Variants in PRIM1 observed in about 807,000 individuals in gnomAD.
PRIM1 encodes DNA primase subunit 1.
A neutral mutation model predicts 60.2 loss-of-function variants in PRIM1; 38 were observed. The observed-to-expected ratio is 0.63, with a 90% CI of 0.49 to 0.83. The LOEUF (loss-of-function observed/expected upper bound fraction) is 0.83. PRIM1 is among the 40% of genes least tolerant of loss of function. The pLI is 0.00. For synonymous variants in PRIM1, 158 were observed against 160.2 expected (o/e 0.99, Z 0.10); for missense variants, 388 against 506.2 (o/e 0.77, Z 2.24).
At chr12:56,732,762 T>C (rs1263366690) in intron 12 of PRIM1, among the ~76,000 whole-genome samples, 3 of 104,010 alleles carry the variant, frequency 2.9e-5, no homozygotes, top group East Asian at 6.6e-4. Context: ...ACCCTTGGCC[T>C]TTTTCCACCT....
intron 5 of PRIM1, among the ~76,000 whole-genome samples, chr12:56,745,825 G>C (rs1458380160): frequency 6.6e-6 from 1 of 151,860 alleles, no homozygotes; most frequent in East Asian, 1.9e-4. Context: ...TGTAGTCCCA[G>C]CTACTCGGGA....
chr12:56,747,909 G>A (rs1051445302), intron 2 of PRIM1, among the ~76,000 whole-genome samples: 3 of 152,150 alleles, frequency 2.0e-5, no homozygotes, highest in Non-Finnish European at 4.4e-5. Context: ...AAGGCTCAGG[G>A]ATAGGTGATA....
At position 56,746,865 on chromosome 12, in the gene PRIM1, G is replaced by A; in HGVS notation, c.369-11C>T. 6.2e-7 allele frequency: 1 copy of A among 1,613,718 alleles called. No individual in the cohort carries two copies. Among genetic ancestry groups the A allele is most frequent in the South Asian group, 1.1e-5 (1 of 91,048 alleles). On this transcript the variant is annotated splice_polypyrimidine_tract_variant and intron_variant, in intron 3 of 12. Transcript: ENST00000338193. ...CATATGTCTGCAGAACTAAAGCAGA[G>A]TCATCATTACTCATTGTCAGTGATA...
intron 5 of PRIM1, among the ~76,000 whole-genome samples, chr12:56,745,301 C>T (rs1251919745): frequency 6.6e-6 from 1 of 151,850 alleles, no homozygotes; most frequent in East Asian, 1.9e-4. Context: ...GTCCCAGCTA[C>T]TCAGGAGGCT....
intron 6 of PRIM1, 134 bp downstream of exon 6, chr12:56,743,931 T>C (rs1592334258): frequency 4.9e-6 from 3 of 615,058 alleles, no homozygotes; most frequent in African/African-American, 1.9e-5. Flanking sequence ...CAGCATAAAA[T>C]AGGCACTCAA....
intron 9 of PRIM1, 96 bp downstream of exon 9, chr12:56,741,339 A>G: frequency 1.6e-6 from 2 of 1,275,430 alleles, no homozygotes; most frequent in Non-Finnish European, 2.1e-6. Flanking sequence ...CCTTTAAATC[A>G]TAGACATTAT....
At chr12:56,752,085 G>T in intron 1 of PRIM1, 111 bp downstream of exon 1, 1 of 641,956 alleles carries the variant, frequency 1.6e-6, no homozygotes, top group Non-Finnish European at 2.5e-6. Flanking sequence ...AAATGAAGGC[G>T]CGCGGCACAA....
intron 11 of PRIM1, among the ~76,000 whole-genome samples, chr12:56,737,054 A>C (rs1463533221): frequency 6.6e-6 from 1 of 151,894 alleles, no homozygotes. Flanking sequence ...CTGGGATTAC[A>C]GGTGTGAGGT....
intron 10 of PRIM1, 38 bp from the exon 11 acceptor site, chr12:56,738,563 T>C: frequency 1.3e-6 from 2 of 1,547,524 alleles, no homozygotes; most frequent in Non-Finnish European, 1.7e-6. Flanking sequence ...GTTTTTGTTT[T>C]TGTTTTTGAG....
chr12:56,751,836 T>C (rs942553427), intron 1 of PRIM1: 1 of 164,892 alleles, frequency 6.1e-6, no homozygotes, highest in African/African-American at 2.4e-5. Flanking sequence ...TGAGAGAGGC[T>C]CTTCCGCTCC....
chr12:56,735,984 T>A (rs1953825311), intron 11 of PRIM1, among the ~76,000 whole-genome samples: 1 of 151,774 alleles, frequency 6.6e-6, no homozygotes, highest in South Asian at 2.1e-4. Flanking sequence ...TAAAATAGTT[T>A]AAAAAATGTA....
At position 56,734,234 on chromosome 12, in the gene PRIM1, T is replaced by C; in HGVS notation, c.1156A>G (p.Thr386Ala). The change falls in exon 12 of 13, where the codon ACC becomes GCC. Residue 386 changes from threonine (T) to alanine (A), a missense_variant. By Grantham distance (58) the Thr-to-Ala change is moderately conservative. Coordinates refer to ENST00000338193, the MANE Select transcript of PRIM1 (RefSeq NM_000946.3). The stretch of plus-strand genomic sequence containing the variant: ...ACTTTCACATAAGGTGCTAGACTGG[T>C]CTTCTTATAATCTAAATTATGAAGA... ...VKHRTRDYKK[T>A]SLAPYVKVFE... 2 of 1,577,988 alleles carry C rather than the reference T, an allele frequency of 1.3e-6. No individual in the cohort carries two copies. Among genetic ancestry groups the C allele is most frequent in the Non-Finnish European group, 1.7e-6 (2 of 1,153,514 alleles).
At position 56,731,604 on chromosome 12, in the gene PRIM1, T is replaced by C. The variant is rs1021052212; in HGVS notation, c.*111A>G. On this transcript the variant is annotated 3_prime_UTR_variant, in exon 13 of 13. Transcript: ENST00000338193. Reference sequence around the variant, plus strand: ...ATTATTTCTCAAGGAAAATTTACTTTGAGGTTTAAGACACATATATAGTTC... The same window carrying C: ...ATTATTTCTCAAGGAAAATTTACTTCGAGGTTTAAGACACATATATAGTTC... The C allele has an allele frequency of 9.5e-7, 1 of 1,057,550 alleles. No individual in the cohort carries two copies. Among genetic ancestry groups the C allele is most frequent in the Non-Finnish European group, 1.3e-6 (1 of 742,762 alleles). 65.5% of individuals were successfully genotyped at this position (1,057,550 alleles called of 1,614,324 possible).
Position 56,738,432 on chromosome 12 carries a change from A to G in PRIM1, c.1144+2T>C. 1 of 1,572,946 alleles carries G rather than the reference A, an allele frequency of 6.4e-7. No homozygotes were observed. Among genetic ancestry groups the G allele is most frequent in the African/African-American group, 1.3e-5 (1 of 74,204 alleles). On this transcript the variant is annotated splice_donor_variant, in intron 11 of 12. Transcript: ENST00000338193. LOFTEE classifies it high-confidence loss of function. ...AAGTGAAGCTTCAAAATATTACCTT[A>G]CCTCTGGTTCTATGTTTGACATCAG...
At chr12:56,748,007 G>GA (rs561458889) in intron 2 of PRIM1, among the ~76,000 whole-genome samples, 20 of 146,404 alleles carry the variant, frequency 1.4e-4, no homozygotes, top group South Asian at 6.5e-4. Context: ...TTGACTGAAG[G>GA]AAAAAAAAAA....
chr12:56,741,652 G>C (rs991139528), intron 8 of PRIM1, 76 bp from the exon 9 acceptor site: 5 of 1,573,282 alleles, frequency 3.2e-6, no homozygotes, highest in East Asian at 4.5e-5. Flanking sequence ...TTAAAAAAAC[G>C]ATCTTCAACC....
intron 11 of PRIM1, 83 bp from the exon 12 acceptor site, chr12:56,734,328 T>C: frequency 1.2e-6 from 1 of 812,634 alleles, no homozygotes; most frequent in Non-Finnish European, 1.9e-6. Context: ...CTTATAAGAA[T>C]TCTCTAGGGC....
Position 56,751,087 on chromosome 12 carries a change from T to C in PRIM1, c.212A>G (p.Gln71Arg). ...ATCAATCTTGTATGGATTCATTTTC[T>C]GCATCTCCTTTTCCAGATCACTCTG... is the stretch of plus-strand genomic sequence containing the variant. ...NNQSDLEKEMQKMNPYKIDIG... is the reference protein window; with the variant it reads ...NNQSDLEKEMRKMNPYKIDIG... The change falls in exon 2 of 13, where the codon CAG becomes CGG. Residue 71 changes from glutamine to arginine, a missense_variant. By Grantham distance (43) the Gln-to-Arg change is conservative. Around this residue, in one of 3 missense-constraint regions of PRIM1, gnomAD observed 156 missense variants for 175.8 expected, o/e 0.89. Transcript: ENST00000338193. 2 of 1,600,730 alleles carry C rather than the reference T, an allele frequency of 1.2e-6. No homozygotes were observed. The highest frequency in any genetic ancestry group is 1.7e-6 in the Non-Finnish European group (2 of 1,172,754).
rs749000835 is a variant in PRIM1 at position 56,751,073 on chromosome 12, A to G, written c.226T>C (p.Tyr76His). The change falls in exon 2 of 13, where the codon TAC (tyrosine) becomes CAC (histidine). Residue 76 changes from tyrosine (Y) to histidine (H), a missense_variant. Transcript: ENST00000338193. ...TATACTGCGCCTATATCAATCTTGT[A>G]TGGATTCATTTTCTGCATCTCCTTT... ...LEKEMQKMNP[Y>H]KIDIGAVYSH... is the part of the protein sequence containing the mutation. The G allele has an allele frequency of 3.8e-6, 6 of 1,599,216 alleles. No homozygotes were observed. In the Admixed American group the frequency reaches 1.0e-4, roughly 28 times the overall value.
Sources: gnomAD v4.1 joint callset for allele counts (sites outside exome capture counted in the v4.1 genomes callset) on GRCh38, gnomAD v4.1.1 for gene constraint, gnomAD v4.1.1 regional missense constraint, MANE v1.5 for transcripts, NCBI Gene and HGNC (gene_info 2026-07-23, HGNC 2026-07-21) for gene names.